Variants in RFPL1 observed in about 807,000 individuals in gnomAD.
RFPL1 encodes the protein ret finger protein-like 1.
In RFPL1, 6 loss-of-function variants were observed where a neutral mutation model predicts 9.6. The observed-to-expected ratio is 0.62, with a 90% CI of 0.34 to 1.23. The LOEUF (loss-of-function observed/expected upper bound fraction) is 1.23. Among genes scored for constraint, RFPL1 ranks in the 50% most tolerant of loss-of-function variants. RFPL1 has a pLI of 0.03. For synonymous variants in RFPL1, 145 were observed against 149.4 expected, an observed-to-expected ratio of 0.97 and a Z score of 0.22; for missense variants, 352 against 398.4, an observed-to-expected ratio of 0.88 and a Z score of 0.99.
chr22:29,420,646 T>G, the RFPL1 span, among the ~76,000 whole-genome samples: 151 of 136,672 alleles, frequency 1.1e-3, 3 homozygotes, highest in African/African-American at 3.7e-3. Context: ...TTTTTTTTTT[T>G]TTTTTTTTTT....
the RFPL1 span, among the ~76,000 whole-genome samples, chr22:29,414,539 T>C: frequency 6.6e-6 from 1 of 152,192 alleles, no homozygotes; most frequent in Non-Finnish European, 1.5e-5. Context: ...TATTAGGCAA[T>C]TTTCCTAACT....
chr22:29,435,944 G>A (rs2062806400), upstream of RFPL1, among the ~76,000 whole-genome samples: 1 of 152,150 alleles, frequency 6.6e-6, no homozygotes, highest in South Asian at 2.1e-4. Flanking sequence ...ATCAGGTCTG[G>A]AAAGATAAAT....
At chr22:29,412,488 C>T in the RFPL1 span, among the ~76,000 whole-genome samples, 2 of 152,054 alleles carry the variant, frequency 1.3e-5, no homozygotes, top group African/African-American at 2.4e-5. Context: ...TCCAGGTCAT[C>T]GAATCCACAA....
At chr22:29,409,752 T>C in the RFPL1 span, among the ~76,000 whole-genome samples, 1 of 152,060 alleles carries the variant, frequency 6.6e-6, no homozygotes, top group East Asian at 1.9e-4. Flanking sequence ...ACAAATACAA[T>C]TTTTTTGTTG....
the RFPL1 span, among the ~76,000 whole-genome samples, chr22:29,410,267 TATCTATATATATAG>T: frequency 2.3e-5 from 3 of 129,540 alleles, no homozygotes; most frequent in Non-Finnish European, 3.2e-5. Flanking sequence ...TAGATATATA[TATCTATATATATAG>T]ATCTATATAT....
chr22:29,388,683 G>C, the RFPL1 span: 1 of 152,298 alleles, frequency 6.6e-6, no homozygotes, highest in East Asian at 1.9e-4. Context: ...AGAGCCCAAC[G>C]GTATTAACCC....
chr22:29,400,094 C>T, the RFPL1 span, among the ~76,000 whole-genome samples: 61 of 148,616 alleles, frequency 4.1e-4, no homozygotes, highest in Admixed American at 7.5e-4. Flanking sequence ...CTCCTGGGTT[C>T]ACGCCATTCT....
intron 1 of RFPL1, 199 bp from the exon 2 acceptor site, chr22:29,441,343 A>T (rs1444143695): frequency 3.3e-6 from 2 of 603,410 alleles, no homozygotes; most frequent in African/African-American, 3.7e-5. Context: ...TACTGTGAAT[A>T]AGAGTTGGGT....
chr22:29,405,031 A>G, the RFPL1 span, among the ~76,000 whole-genome samples: 11 of 152,258 alleles, frequency 7.2e-5, no homozygotes, highest in East Asian at 2.1e-3. Context: ...CACCTAGCCC[A>G]GAAATGTTCC....
chr22:29,426,893 A>G, the RFPL1 span, among the ~76,000 whole-genome samples: 6 of 152,346 alleles, frequency 3.9e-5, no homozygotes, highest in South Asian at 1.2e-3. Flanking sequence ...CCAGGGGGAC[A>G]TCGAGAGAGG....
chr22:29,422,049 G>C, the RFPL1 span, among the ~76,000 whole-genome samples: 1 of 152,216 alleles, frequency 6.6e-6, no homozygotes, highest in Non-Finnish European at 1.5e-5. Context: ...AGGAAGGAGG[G>C]AGGAAGGAAG....
chr22:29,390,153 A>G, the RFPL1 span, among the ~76,000 whole-genome samples: 1 of 152,198 alleles, frequency 6.6e-6, no homozygotes, highest in African/African-American at 2.4e-5. Flanking sequence ...ATACATTTCT[A>G]CTTGGCACTT....
chr22:29,396,046 A>G, the RFPL1 span, among the ~76,000 whole-genome samples: 2 of 151,800 alleles, frequency 1.3e-5, no homozygotes, highest in Admixed American at 1.3e-4. Context: ...AAGAGAAAGA[A>G]GAGAAGAGAA....
chr22:29,404,435 G>A, the RFPL1 span, among the ~76,000 whole-genome samples: 1 of 152,030 alleles, frequency 6.6e-6, no homozygotes, highest in Non-Finnish European at 1.5e-5. Context: ...TCCTCTCAAT[G>A]TTTTAAGTTA....
the RFPL1 span, among the ~76,000 whole-genome samples, chr22:29,391,720 G>A: frequency 6.6e-6 from 1 of 152,184 alleles, no homozygotes. Context: ...GAGAGAGAAG[G>A]AAAGGGTAAT....
the RFPL1 span, among the ~76,000 whole-genome samples, chr22:29,421,506 G>C: frequency 1.0e-4 from 15 of 149,052 alleles, 1 homozygote; most frequent in Non-Finnish European, 2.1e-4. Flanking sequence ...GGCTCACTAA[G>C]CCCCACAAGA....
the RFPL1 span, among the ~76,000 whole-genome samples, chr22:29,426,418 G>C: frequency 3.9e-5 from 6 of 152,096 alleles, no homozygotes; most frequent in African/African-American, 1.4e-4. Context: ...TAGACTAATA[G>C]ATATGATATC....
the RFPL1 span, among the ~76,000 whole-genome samples, chr22:29,422,217 G>C: frequency 1.3e-5 from 2 of 152,170 alleles, no homozygotes; most frequent in African/African-American, 4.8e-5. Flanking sequence ...TCCAAGGTGG[G>C]TGGATCACTT....
the RFPL1 span, among the ~76,000 whole-genome samples, chr22:29,400,000 T>C: frequency 4.0e-4 from 59 of 148,400 alleles, no homozygotes; most frequent in African/African-American, 8.1e-4. Context: ...TTTTCTTTTT[T>C]TTTTTTTTTT....
Sources: allele counts gnomAD v4.1 joint callset (sites outside exome capture counted in the v4.1 genomes callset), GRCh38; gene constraint gnomAD v4.1.1; transcripts MANE v1.5; gene names NCBI Gene and HGNC (gene_info 2026-07-23, HGNC 2026-07-21).